The following BCAT2 variants were observed in gnomAD, a reference collection of about 807,000 sequenced individuals.
BCAT2 encodes the protein branched-chain-amino-acid aminotransferase, mitochondrial.
In BCAT2, 44 loss-of-function variants were observed where a neutral mutation model predicts 52.9. That is an observed-to-expected ratio of 0.83 (90% CI 0.65 to 1.07). BCAT2 has a LOEUF of 1.07. BCAT2 is among the 50% of genes least tolerant of loss of function. The pLI, the probability that BCAT2 is intolerant of heterozygous loss-of-function variation, is 0.00. For missense variants in BCAT2, 478 were observed against 521.8 expected (o/e 0.92, Z 0.82); for synonymous variants, 215 against 217.1 (o/e 0.99, Z 0.08).
chr19:48,795,550 C>T, intron 10 of BCAT2, 86 bp from the exon 11 acceptor site: 10 of 1,491,050 alleles, frequency 6.7e-6, no homozygotes, highest in South Asian at 2.4e-5. Context: ...CGAGTGCCTA[C>T]GGAGCTGTGC....
chr19:48,807,166 C>A lies in BCAT2; in HGVS notation c.25-92G>T. Reference sequence around the variant, plus strand: ...CCACCTCCTGCACTTGGAGGTCCCACTGGCCTGCCTGTTCTGTCCCAGTTT... The same window carrying A: ...CCACCTCCTGCACTTGGAGGTCCCAATGGCCTGCCTGTTCTGTCCCAGTTT... On this transcript the variant is annotated intron_variant, in intron 1 of 10. Coordinates refer to ENST00000316273, the MANE Select transcript of BCAT2 (RefSeq NM_001190.4). The surrounding 1 kb of genome is among the most constrained non-coding windows in gnomAD (Gnocchi z 4.6). The A allele has an allele frequency of 9.4e-7, 1 of 1,068,182 alleles. No homozygotes were observed. The highest frequency in any genetic ancestry group is 1.4e-6 in the Non-Finnish European group (1 of 726,512). The allele number at this position is 1,068,182 out of a possible 1,614,324, so 66.2% of individuals were successfully genotyped here. A position where few individuals can be genotyped will look rare whatever the true frequency, so the allele number is the denominator to read the frequency against.
In BCAT2 at chr19:48,799,040, G is replaced by A. The variant is rs2034597094; in HGVS notation, c.695+635C>T. On this transcript the variant is annotated intron_variant, in intron 6 of 10. Transcript: ENST00000316273. The surrounding 1 kb of genome is among the most constrained non-coding windows in gnomAD (Gnocchi z 5.5). ...GGGAGACCCAGGAGAGCAGGGCTCG[G>A]GGCTGACTCATCTGTGTCCCCAGCT... 1 of 152,226 alleles carries A rather than the reference G, an allele frequency of 6.6e-6. No homozygotes were observed. The highest frequency in any genetic ancestry group is 1.5e-5 in the Non-Finnish European group (1 of 68,152). The allele number at this position is 152,226 out of a possible 1,614,324, so 9.4% of individuals were successfully genotyped here.
Position 48,807,313 on chromosome 19 carries a change from C to T in BCAT2, c.25-239G>A, listed in dbSNP as rs2034811923. On this transcript the variant is annotated intron_variant, in intron 1 of 10. Transcript: ENST00000316273. This position sits in a 1 kb window ranked among gnomAD's most constrained non-coding sequence, Gnocchi z 4.6. ...CCCCTCCTCCATGCTGCGGCAAAGT[C>T]AAACGCAAGCGCCTCCCACCCCAGA... 1 of 446,806 alleles carries T rather than the reference C, an allele frequency of 2.2e-6. No individual in the cohort carries two copies. The highest frequency in any genetic ancestry group is 2.6e-5 in the South Asian group (1 of 39,200). The allele number at this position is 446,806 out of a possible 1,614,324, so 27.7% of individuals were successfully genotyped here. A position where few individuals can be genotyped will look rare whatever the true frequency, so the allele number is the denominator to read the frequency against.
rs149621078 is a variant in BCAT2, at chr19:48,796,646, G to C, written c.997C>G (p.Arg333Gly). 1.1e-5 allele frequency: 18 copies of C among 1,613,518 alleles called. No homozygotes were observed. In the East Asian group the frequency reaches 1.6e-4, roughly 14 times the overall value. ...LLRALEEGRV[R>G]EVFGSGTACQ... ...GCGGTGCCCGAGCCAAAGACTTCCC[G>C]CACGCGGCCCTCCTCCAGGGCCCGC... is the stretch of plus-strand genomic sequence containing the variant. Residue 333 changes from arginine to glycine, a missense_variant, in exon 9 of 11, where the codon CGG (arginine) becomes GGG (glycine). Physicochemically the swap from Arg to Gly is moderately radical, Grantham distance 125. Transcript: ENST00000316273.
rs766296881 is a variant in BCAT2 at position 48,796,962 on chromosome 19, CTCTG to C, written c.895_898del (p.Gln299ValfsTer21). The C allele has an allele frequency of 9.3e-6, 15 of 1,614,074 alleles. No individual in the cohort carries two copies. Among genetic ancestry groups the C allele is most frequent in the African/African-American group, 4.0e-5 (3 of 74,934 alleles). ...CCAGGTCTGAGCCATGTCCAGTAGACTCTGTCTGACCACTCCAGGCAGGATAACA... is the reference window on the plus strand; with the variant it reads ...CCAGGTCTGAGCCATGTCCAGTAGACTCTGACCACTCCAGGCAGGATAACA... On this transcript the variant is annotated frameshift_variant, in exon 8 of 11. Coordinates refer to ENST00000316273, the MANE Select transcript of BCAT2 (RefSeq NM_001190.4). LOFTEE classifies it high-confidence loss of function.
chr19:48,795,107 G>GA lies in BCAT2; in HGVS notation c.*318dup, dbSNP rs370156243. 1.4e-3 allele frequency: 578 copies of GA among 427,318 alleles called. No individual in the cohort carries two copies. Among genetic ancestry groups the GA allele is most frequent in the East Asian group, 2.0e-3 (51 of 25,294 alleles). 26.5% of individuals were successfully genotyped at this position (427,318 alleles called of 1,614,324 possible). A position where few individuals can be genotyped will look rare whatever the true frequency, so the allele number is the denominator to read the frequency against. On this transcript the variant is annotated 3_prime_UTR_variant, in exon 11 of 11. Coordinates refer to ENST00000316273, the MANE Select transcript of BCAT2 (RefSeq NM_001190.4). Reference sequence around the variant, plus strand: ...ATTTCAAAATTGCAGCAAAGACAGAGAAAAAAAAATCAACGGCAGCACCAG... The same window carrying GA: ...ATTTCAAAATTGCAGCAAAGACAGAGAAAAAAAAAATCAACGGCAGCACCAG...
At chr19:48,808,231 ATGCTTC>A in intron 1 of BCAT2, 1 of 985,986 alleles carries the variant, frequency 1.0e-6, no homozygotes, top group Non-Finnish European at 1.2e-6. Context: ...CCTTGCAGCC[ATGCTTC>A]TGCCCAGAGG....
Position 48,795,218 on chromosome 19 carries a change from A to G in BCAT2, c.*208T>C. 1 of 637,166 alleles carries G rather than the reference A, an allele frequency of 1.6e-6. No homozygotes were observed. 39.5% of individuals were successfully genotyped at this position (637,166 alleles called of 1,614,324 possible). A position where few individuals can be genotyped will look rare whatever the true frequency, so the allele number is the denominator to read the frequency against. ...GACAAGGAGTAATGGGCGGACCTGA[A>G]CCCGCGACGAGGGGCTGGGGGCCAA... On this transcript the variant is annotated 3_prime_UTR_variant, in exon 11 of 11. Coordinates refer to ENST00000316273, the MANE Select transcript of BCAT2 (RefSeq NM_001190.4).
chr19:48,797,727 C>T (rs949863206), intron 6 of BCAT2, among the ~76,000 whole-genome samples: 1 of 149,480 alleles, frequency 6.7e-6, no homozygotes, highest in Non-Finnish European at 1.5e-5. Flanking sequence ...GGATTACAGG[C>T]GTGAGCCACC....
rs1294788307 is a variant in BCAT2, at chr19:48,800,031, C to T, written c.481G>A (p.Asp161Asn). 5.6e-6 allele frequency: 9 copies of T among 1,613,762 alleles called. No individual in the cohort carries two copies. The highest frequency in any genetic ancestry group is 7.6e-6 in the Non-Finnish European group (9 of 1,179,932). ...LIEVDKDWVPDAAGTSLYVRP... is the reference protein window; with the variant it reads ...LIEVDKDWVPNAAGTSLYVRP... ...ACATAGAGGCTGGTGCCGGCGGCAT[C>T]GGGGACCCAGTCCTTGTCCACTTCG... is the stretch of plus-strand genomic sequence containing the variant. Residue 161 changes from aspartate to asparagine, a missense_variant, in exon 5 of 11, where the codon GAT (aspartate) becomes AAT (asparagine). Transcript: ENST00000316273.
chr19:48,805,380 G>T (rs970703702), intron 3 of BCAT2, among the ~76,000 whole-genome samples: 1 of 152,080 alleles, frequency 6.6e-6, no homozygotes, highest in East Asian at 1.9e-4. Flanking sequence ...CATGGCCTGA[G>T]AGGGCTCTTA....
intron 3 of BCAT2, 66 bp downstream of exon 3, chr19:48,806,451 C>G: frequency 1.3e-6 from 2 of 1,581,008 alleles, no homozygotes; most frequent in Non-Finnish European, 1.7e-6. Context: ...GTACACCTGG[C>G]AAGAGACACA....
In BCAT2 at chr19:48,796,960, G is replaced by C. The variant is rs1311359806; in HGVS notation, c.901C>G (p.Leu301Val). 4.3e-6 allele frequency: 7 copies of C among 1,614,190 alleles called. No homozygotes were observed. The South Asian group carries it at 6.6e-5, about 15-fold the overall frequency. ...ACCCAGGTCTGAGCCATGTCCAGTAGACTCTGTCTGACCACTCCAGGCAGG... is the reference window on the plus strand; with the variant it reads ...ACCCAGGTCTGAGCCATGTCCAGTACACTCTGTCTGACCACTCCAGGCAGG... ...VILPGVVRQS[L>V]LDMAQTWGEF... Residue 301 changes from leucine to valine, a missense_variant, in exon 8 of 11, where the codon CTA becomes GTA. By Grantham distance (32) the Leu-to-Val change is conservative. Transcript: ENST00000316273.
Position 48,799,892 on chromosome 19 carries a change from TC to T in BCAT2, c.532-55del. On this transcript the variant is annotated intron_variant, in intron 5 of 10. Transcript: ENST00000316273. This position sits in a 1 kb window ranked among gnomAD's most constrained non-coding sequence, Gnocchi z 5.5. The stretch of plus-strand genomic sequence containing the variant: ...AGTCCAGGCCCCCAGTCCCTTCCCG[TC>T]CCCAGGCCCAGGCCTCCAGGACCCC... 6.3e-7 allele frequency: 1 copy of T among 1,588,444 alleles called. No individual in the cohort carries two copies. The highest frequency in any genetic ancestry group is 1.1e-5 in the South Asian group (1 of 88,210).
intron 7 of BCAT2, 77 bp from the exon 8 acceptor site, chr19:48,797,099 C>T: frequency 1.2e-6 from 2 of 1,607,694 alleles, no homozygotes; most frequent in African/African-American, 2.7e-5. Flanking sequence ...CCCCCTTCCC[C>T]CATCCCAGAA....
intron 3 of BCAT2, among the ~76,000 whole-genome samples, chr19:48,801,912 C>G (rs1435808018): frequency 6.6e-6 from 1 of 151,214 alleles, no homozygotes; most frequent in African/African-American, 2.4e-5. Context: ...GCTGGGATTA[C>G]AGGCGTGAGC....
In BCAT2 at chr19:48,799,342, T is replaced by C; in HGVS notation, c.695+333A>G. The C allele has an allele frequency of 4.2e-6, 1 of 236,490 alleles. No homozygotes were observed. The highest frequency in any genetic ancestry group is 8.1e-6 in the Non-Finnish European group (1 of 123,408). The allele number at this position is 236,490 out of a possible 1,614,324, so 14.6% of individuals were successfully genotyped here. ...GGGGAGCGCAGCCCAGCCTGGGGGA[T>C]CAGGGGAGGCTTCTGGGGCGAGAAG... On this transcript the variant is annotated intron_variant, in intron 6 of 10. Transcript: ENST00000316273. The surrounding 1 kb of genome is among the most constrained non-coding windows in gnomAD (Gnocchi z 5.5).
In BCAT2 at chr19:48,795,447, G is replaced by T; in HGVS notation, c.1158C>A (p.His386Gln). The T allele has an allele frequency of 6.2e-7, 1 of 1,613,980 alleles. No homozygotes were observed. The highest frequency in any genetic ancestry group is 8.5e-7 in the Non-Finnish European group (1 of 1,179,982). The change falls in exon 11 of 11, where the codon CAC (histidine) becomes CAA (glutamine). Residue 386 changes from histidine (H) to glutamine (Q), a missense_variant. By Grantham distance (24) the His-to-Gln change is conservative (BLOSUM62 0). Transcript: ENST00000316273. ...AGCTTCACACCGGGAACATCCACTC[G>T]TGGGCTCTGATTCCGTACTGCGGAA... ...LKEIQYGIRA[H>Q]EWMFPV
rs2034816256 is a variant in BCAT2 at position 48,807,455 on chromosome 19, CG to C, written c.25-382del. 2 of 191,246 alleles carry C rather than the reference CG, an allele frequency of 1.0e-5. No homozygotes were observed. The highest frequency in any genetic ancestry group is 1.7e-4 in the South Asian group (2 of 11,482). The allele number at this position is 191,246 out of a possible 1,614,324, so 11.8% of individuals were successfully genotyped here. A position where few individuals can be genotyped will look rare whatever the true frequency, so the allele number is the denominator to read the frequency against. On this transcript the variant is annotated intron_variant, in intron 1 of 10. Coordinates refer to ENST00000316273, the MANE Select transcript of BCAT2 (RefSeq NM_001190.4). This position sits in a 1 kb window ranked among gnomAD's most constrained non-coding sequence, Gnocchi z 4.6. ...TGACAGGCCTTAGAAGACCAAGGAC[CG>C]ACAGGTCCTGCTCCCCCAGAGCTCA...
Sources: gnomAD v4.1 joint callset for allele counts (sites outside exome capture counted in the v4.1 genomes callset) on GRCh38, gnomAD v4.1.1 for gene constraint, Gnocchi (gnomAD v3.1) non-coding constraint, MANE v1.5 for transcripts, NCBI Gene and HGNC (gene_info 2026-07-23, HGNC 2026-07-21) for gene names.